DPP6: variants seen among roughly 807,000 people sequenced by gnomAD.
DPP6 encodes the protein dipeptidyl peptidase like 6.
Under a neutral mutation model 122.6 loss-of-function variants are expected in DPP6, and 69 were observed. The ratio of observed to expected loss-of-function variants is 0.56; its 90% CI spans 0.46 to 0.69. The LOEUF (loss-of-function observed/expected upper bound fraction) is 0.69. DPP6 is among the 30% of genes least tolerant of loss of function. The pLI is 0.00. For missense variants in DPP6, 928 were observed against 1,116.9 expected, an observed-to-expected ratio of 0.83 and a Z score of 2.41; for synonymous variants, 418 against 433.1, an observed-to-expected ratio of 0.97 and a Z score of 0.43.
the DPP6 span, among the ~76,000 whole-genome samples, chr7:153,837,981 T>C: frequency 6.6e-6 from 1 of 151,850 alleles, no homozygotes; most frequent in Non-Finnish European, 1.5e-5. Flanking sequence ...TTTGTAGTTC[T>C]TATAAAAGTC....
intron 7 of DPP6, among the ~76,000 whole-genome samples, chr7:154,721,549 T>C (rs548515596): frequency 2.2e-4 from 33 of 152,252 alleles, no homozygotes; most frequent in Admixed American, 9.8e-4. Context: ...GTAAAAATCA[T>C]AGAAGCGTAA....
chr7:154,598,984 G>A (rs1563914679), intron 5 of DPP6, among the ~76,000 whole-genome samples: 1 of 152,152 alleles, frequency 6.6e-6, no homozygotes, highest in African/African-American at 2.4e-5. Flanking sequence ...GGGAGAGCTT[G>A]CTATTGGCCT....
At chr7:154,835,134 C>G (rs987669214) in intron 16 of DPP6, among the ~76,000 whole-genome samples, 4 of 152,094 alleles carry the variant, frequency 2.6e-5, no homozygotes, top group African/African-American at 9.7e-5. Context: ...TCCTAATGCC[C>G]AGGAAATAGG....
Position 154,063,538 on chromosome 7 carries a change from G to A in DPP6, c.243+10475G>A, listed in dbSNP as rs1177485124. 4.0e-3 allele frequency among the ~76,000 whole-genome samples: 304 copies of A among 75,650 alleles called. 22 individuals carry two copies. Among genetic ancestry groups the A allele is most frequent in the Admixed American group, 4.9e-3 (35 of 7,174 alleles). 49.6% of individuals were successfully genotyped at this position (75,650 alleles called of 152,430 possible). On this transcript the variant is annotated intron_variant, in intron 1 of 25. Coordinates refer to ENST00000377770, the MANE Select transcript of DPP6 (RefSeq NM_130797.4). Reference sequence around the variant, plus strand: ...ATCGCAGGAGGGGGAGGCACCCCCCGCGAGGGTGGGGACTGAGAGCTATCC... The same window carrying A: ...ATCGCAGGAGGGGGAGGCACCCCCCACGAGGGTGGGGACTGAGAGCTATCC...
chr7:154,679,915 T>G (rs1839181024), intron 7 of DPP6, among the ~76,000 whole-genome samples: 1 of 152,192 alleles, frequency 6.6e-6, no homozygotes, highest in African/African-American at 2.4e-5. Context: ...ACACAATATG[T>G]TATCACTTCC....
At position 154,583,863 on chromosome 7, in the gene DPP6, G is replaced by A. The variant is rs1164501109; in HGVS notation, c.627+16947G>A. On this transcript the variant is annotated intron_variant, in intron 5 of 25. Transcript: ENST00000377770. ...ACTGATCTCATCCGTTTAATCCCAC[G>A]TTGGCCCCACGTCCTGCCTGCAACA... Among the ~76,000 whole-genome samples the A allele has an allele frequency of 3.3e-5, 5 of 152,034 alleles. No individual in the cohort carries two copies. In the East Asian group the frequency reaches 7.7e-4, roughly 24 times the overall value.
intron 5 of DPP6, among the ~76,000 whole-genome samples, chr7:154,634,819 G>A (rs890715391): frequency 2.0e-5 from 3 of 152,016 alleles, no homozygotes; most frequent in African/African-American, 7.3e-5. Context: ...GAATTGCAGG[G>A]GTGTGTAGTG....
chr7:154,191,001 T>G (rs1356427998), intron 1 of DPP6, among the ~76,000 whole-genome samples: 2 of 152,192 alleles, frequency 1.3e-5, no homozygotes, highest in Non-Finnish European at 2.9e-5. Context: ...AATTCTCAGA[T>G]TGGCTATTAT....
chr7:153,957,475 C>G (rs1291166574), intron 1 of DPP6, among the ~76,000 whole-genome samples: 1 of 152,170 alleles, frequency 6.6e-6, no homozygotes, highest in Non-Finnish European at 1.5e-5. Flanking sequence ...CTAAGTTAGT[C>G]CACTTCCCGG....
intron 7 of DPP6, among the ~76,000 whole-genome samples, chr7:154,714,346 C>T (rs952500434): frequency 2.0e-5 from 3 of 152,184 alleles, no homozygotes; most frequent in Admixed American, 2.0e-4. Context: ...TTTATAGCAG[C>T]ACCTCACTCT....
At chr7:154,693,748 C>A (rs1840061405) in intron 7 of DPP6, among the ~76,000 whole-genome samples, 1 of 152,194 alleles carries the variant, frequency 6.6e-6, no homozygotes, top group Non-Finnish European at 1.5e-5. Flanking sequence ...GAGCACCTGG[C>A]CATGCCCCAA....
chr7:154,769,447 G>T lies in DPP6; in HGVS notation c.914G>T (p.Trp305Leu). Residue 305 changes from tryptophan (W) to leucine (L), a missense_variant, in exon 9 of 26, where the codon TGG becomes TTG. Transcript: ENST00000377770. ...EEILKTHIAHWWSPDGTRLAY... is the reference protein window; with the variant it reads ...EEILKTHIAHLWSPDGTRLAY... ...ATTTTGAAGACACACATCGCACACTGGTGGTCTCCGGATGGCACGAGACTC... is the reference window on the plus strand; with the variant it reads ...ATTTTGAAGACACACATCGCACACTTGTGGTCTCCGGATGGCACGAGACTC... 6.2e-7 allele frequency: 1 copy of T among 1,613,568 alleles called. No individual in the cohort carries two copies. Among genetic ancestry groups the T allele is most frequent in the Non-Finnish European group, 8.5e-7 (1 of 1,179,794 alleles).
At chr7:154,236,417 C>T (rs990062015) in intron 1 of DPP6, among the ~76,000 whole-genome samples, 2 of 152,244 alleles carry the variant, frequency 1.3e-5, no homozygotes, top group South Asian at 4.1e-4. Context: ...CCAGAAAGCT[C>T]AGGTAAACAA....
In DPP6 at chr7:154,152,731, G is replaced by A. The variant is rs1400802147; in HGVS notation, c.243+99668G>A. 1.2e-4 allele frequency among the ~76,000 whole-genome samples: 19 copies of A among 152,310 alleles called. No individual in the cohort carries two copies. In the South Asian group the frequency reaches 3.9e-3, roughly 32 times the overall value. ...TCCAGGACCAGAAACCCAGGAGCGT[G>A]GGACCTGATCCACAGCTAGAGGATG... is the stretch of plus-strand genomic sequence containing the variant. On this transcript the variant is annotated intron_variant, in intron 1 of 25. Coordinates refer to ENST00000377770, the MANE Select transcript of DPP6 (RefSeq NM_130797.4).
rs1805014110 is a variant in DPP6 at position 154,877,717 on chromosome 7, C to A, written c.2078+1617C>A. 1.3e-5 allele frequency among the ~76,000 whole-genome samples: 2 copies of A among 152,204 alleles called. No homozygotes were observed. The highest frequency in any genetic ancestry group is 4.1e-4 in the South Asian group (2 of 4,824). On this transcript the variant is annotated intron_variant, in intron 20 of 25. Coordinates refer to ENST00000377770, the MANE Select transcript of DPP6 (RefSeq NM_130797.4). This position sits in a 1 kb window ranked among gnomAD's most constrained non-coding sequence, Gnocchi z 5.2. ...AGTCTCCCCACAAGCAGACAGCAAA[C>A]CTCTCCTTCCATCTCCCTGGCCCTC...
At chr7:154,522,338 C>T (rs1827060877) in intron 3 of DPP6, among the ~76,000 whole-genome samples, 1 of 152,128 alleles carries the variant, frequency 6.6e-6, no homozygotes, top group Admixed American at 6.5e-5. Flanking sequence ...CAGGTTATCC[C>T]GCCACGTATG....
At chr7:153,862,748 A>G in the DPP6 span, among the ~76,000 whole-genome samples, 8 of 152,162 alleles carry the variant, frequency 5.3e-5, no homozygotes, top group Non-Finnish European at 1.0e-4. Context: ...TTTCTCCATT[A>G]TCTCAATAAA....
intron 1 of DPP6, among the ~76,000 whole-genome samples, chr7:154,247,269 C>T (rs1222598768): frequency 6.6e-6 from 1 of 152,082 alleles, no homozygotes; most frequent in Admixed American, 6.6e-5. Context: ...GCCAAGATTG[C>T]AGTACTGCAC....
intron 1 of DPP6, among the ~76,000 whole-genome samples, chr7:154,393,810 C>A (rs559066313): frequency 6.6e-6 from 1 of 152,150 alleles, no homozygotes; most frequent in African/African-American, 2.4e-5. Flanking sequence ...TCATTCCTCC[C>A]TCCCCCAATC....
Sources: gnomAD v4.1 joint callset for allele counts (sites outside exome capture counted in the v4.1 genomes callset) on GRCh38, gnomAD v4.1.1 for gene constraint, Gnocchi (gnomAD v3.1) non-coding constraint, MANE v1.5 for transcripts, NCBI Gene and HGNC (gene_info 2026-07-23, HGNC 2026-07-21) for gene names.